HS1BP3: variants seen among roughly 807,000 people sequenced by gnomAD.
The protein encoded by HS1BP3 is HCLS1-binding protein 3.
HS1BP3 carries 32 observed loss-of-function variants against 33.5 expected under a neutral mutation model. The observed-to-expected ratio is 0.95, with a 90% confidence interval of 0.72 to 1.28. The LOEUF is 1.28. Ranked by LOEUF, HS1BP3 falls within the 50% of genes most tolerant of loss-of-function variation. The pLI is 0.00. For missense variants in HS1BP3, 486 were observed against 502.3 expected, an observed-to-expected ratio of 0.97 and a Z score of 0.31; for synonymous variants, 187 against 209.2, an observed-to-expected ratio of 0.89 and a Z score of 0.92.
chr2:20,641,448 G>C (rs1048426552), intron 2 of HS1BP3, among the ~76,000 whole-genome samples: 5 of 152,192 alleles, frequency 3.3e-5, no homozygotes, highest in Non-Finnish European at 7.3e-5. Flanking sequence ...CAGTTAACAA[G>C]ATTTGATACA....
intron 3 of HS1BP3, among the ~76,000 whole-genome samples, chr2:20,598,042 C>T (rs551148506): frequency 6.6e-6 from 1 of 152,186 alleles, no homozygotes; most frequent in South Asian, 2.1e-4. Context: ...TTCAGCGGTC[C>T]CTAACCTTTT....
intron 6 of HS1BP3, chr2:20,622,339 A>C (rs760545939): frequency 5.9e-5 from 77 of 1,303,848 alleles, no homozygotes; most frequent in Non-Finnish European, 7.5e-5. Flanking sequence ...AAAAAAAGAA[A>C]AGCAGTTAAT....
chr2:20,648,688 G>A (rs777558443), intron 1 of HS1BP3, among the ~76,000 whole-genome samples: 36 of 152,140 alleles, frequency 2.4e-4, no homozygotes, highest in Admixed American at 3.9e-4. Context: ...TACCATTTCC[G>A]AGCCAATGGC....
Position 20,606,287 on chromosome 2 carries a change from T to A in HS1BP3, c.179-8022A>T, listed in dbSNP as rs560219558. 772 of 440,690 alleles carry A rather than the reference T, an allele frequency of 1.8e-3. 3 individuals are homozygous for A. Among genetic ancestry groups the A allele is most frequent in the Non-Finnish European group, 2.2e-3 (490 of 222,592 alleles). The allele number at this position is 440,690 out of a possible 1,614,324, so 27.3% of individuals were successfully genotyped here. ...ACAGTTGGTTGGACCTGTTCATGCG[T>A]CTTCACCAGCAGCTGGTGCATCTCC... is the stretch of plus-strand genomic sequence containing the variant. On this transcript the variant is annotated intron_variant, in intron 2 of 3. Transcript: ENST00000415264.
At chr2:20,627,078 C>A (rs1210313061) in intron 4 of HS1BP3, among the ~76,000 whole-genome samples, 3 of 152,240 alleles carry the variant, frequency 2.0e-5, no homozygotes, top group Non-Finnish European at 2.9e-5. Context: ...AGGCTCGCAG[C>A]CACTGTTCTG....
At chr2:20,599,356 C>T (rs1301491736) in intron 2 of HS1BP3, among the ~76,000 whole-genome samples, 1 of 152,244 alleles carries the variant, frequency 6.6e-6, no homozygotes, top group African/African-American at 2.4e-5. Context: ...CCAACGGGTG[C>T]ACGCTGTCCC....
At chr2:20,568,248 G>T (rs1693183684) in intron 5 of HS1BP3, among the ~76,000 whole-genome samples, 1 of 152,292 alleles carries the variant, frequency 6.6e-6, no homozygotes, top group African/African-American at 2.4e-5. Flanking sequence ...CTCACACGTG[G>T]TCAGGAATGA....
At chr2:20,597,152 G>C (rs1191256998) in intron 3 of HS1BP3, among the ~76,000 whole-genome samples, 1 of 152,184 alleles carries the variant, frequency 6.6e-6, no homozygotes, top group Non-Finnish European at 1.5e-5. Flanking sequence ...GAAGCAGCAT[G>C]AGGCCCTTGG....
intron 2 of HS1BP3, among the ~76,000 whole-genome samples, chr2:20,610,979 C>G (rs1328038160): frequency 6.6e-6 from 1 of 152,190 alleles, no homozygotes; most frequent in Non-Finnish European, 1.5e-5. Context: ...ATCCCCAGCC[C>G]CTGGCAACCA....
At chr2:20,585,947 C>G (rs549875786) in intron 5 of HS1BP3, among the ~76,000 whole-genome samples, 72 of 152,346 alleles carry the variant, frequency 4.7e-4, no homozygotes, top group African/African-American at 1.5e-3. Context: ...AAGGAGACCC[C>G]TAGAAGTCAC....
At chr2:20,602,549 G>A (rs4666437) in intron 2 of HS1BP3, among the ~76,000 whole-genome samples, 150,954 of 152,354 alleles carry the variant, frequency 0.99, 74,786 homozygotes, top group East Asian at 1. Flanking sequence ...GAAAAAAACC[G>A]AAACATCAAT....
At chr2:20,612,217 A>G (rs1694331630) in intron 2 of HS1BP3, among the ~76,000 whole-genome samples, 1 of 152,204 alleles carries the variant, frequency 6.6e-6, no homozygotes, top group African/African-American at 2.4e-5. Flanking sequence ...AGGAAGCCCA[A>G]AAGCCAGGAG....
At chr2:20,616,986 G>A (rs1477928393), downstream of HS1BP3, among the ~76,000 whole-genome samples, 1 of 152,118 alleles carries the variant, frequency 6.6e-6, no homozygotes, top group East Asian at 1.9e-4. Context: ...CACTGAGGAG[G>A]TGGCGTCCAC....
At chr2:20,595,534 C>A (rs748337876) in intron 3 of HS1BP3, among the ~76,000 whole-genome samples, 3 of 152,202 alleles carry the variant, frequency 2.0e-5, no homozygotes, top group Non-Finnish European at 4.4e-5. Flanking sequence ...CTGGGCCTTG[C>A]TGATCCTGTA....
intron 2 of HS1BP3, among the ~76,000 whole-genome samples, chr2:20,601,772 T>A: frequency 9.3e-6 from 1 of 107,698 alleles, no homozygotes; most frequent in African/African-American, 4.6e-5. Context: ...TGTGTCTTCT[T>A]TTTTTTTTTT....
At chr2:20,592,004 A>G (rs1297920606), downstream of HS1BP3, among the ~76,000 whole-genome samples, 1 of 152,184 alleles carries the variant, frequency 6.6e-6, no homozygotes, top group Non-Finnish European at 1.5e-5. Flanking sequence ...AGGACAGAAC[A>G]GCCCCAGCAT....
chr2:20,638,654 T>C lies in HS1BP3; in HGVS notation c.407-2A>G. ...CTGCAGCCCCTGGGGATCTGGTACC[T>C]GTGGAGGAAGACAGAAAAGAATGGA... On this transcript the variant is annotated splice_acceptor_variant, in intron 3 of 6. Transcript: ENST00000304031. LOFTEE classifies it high-confidence loss of function. The C allele has an allele frequency of 4.3e-6, 7 of 1,610,664 alleles. No individual in the cohort carries two copies. The highest frequency in any genetic ancestry group is 5.1e-6 in the Non-Finnish European group (6 of 1,177,420).
At chr2:20,622,207 A>T (rs1045931684) in intron 6 of HS1BP3, 26 of 1,295,852 alleles carry the variant, frequency 2.0e-5, no homozygotes, top group Non-Finnish European at 2.3e-5. Context: ...AACATTCTTT[A>T]TTATGAGGAA....
intron 5 of HS1BP3, among the ~76,000 whole-genome samples, chr2:20,568,709 C>T (rs1199664201): frequency 6.6e-6 from 1 of 152,172 alleles, no homozygotes; most frequent in Non-Finnish European, 1.5e-5. Flanking sequence ...GGCCACATCC[C>T]ATTCCACACT....
Sources: gnomAD v4.1 joint callset for allele counts (sites outside exome capture counted in the v4.1 genomes callset) on GRCh38, gnomAD v4.1.1 for gene constraint, MANE v1.5 for transcripts, NCBI Gene and HGNC (gene_info 2026-07-23, HGNC 2026-07-21) for gene names.